Variants in AMOT observed in about 807,000 individuals in gnomAD.
The protein encoded by AMOT is angiomotin.
Under a neutral mutation model 67.0 loss-of-function variants are expected in AMOT, and 11 were observed. The ratio of observed to expected loss-of-function variants is 0.16; its 90% CI spans 0.10 to 0.27. AMOT has a LOEUF of 0.27. Ranked by LOEUF, AMOT falls within the 10% of genes least tolerant of loss-of-function variation. AMOT has a pLI of 1.00. For missense variants in AMOT, 753 were observed against 852.0 expected, an observed-to-expected ratio of 0.88 and a Z score of 1.45; for synonymous variants, 326 against 321.4, an observed-to-expected ratio of 1.01 and a Z score of -0.15.
chrX:112,782,451 A>G (rs1448578088), intron 11 of AMOT, 89 bp downstream of exon 11: 3 of 1,150,562 alleles, frequency 2.6e-6, no homozygotes, highest in Non-Finnish European at 3.6e-6. Context: ...GGGAGGCTGC[A>G]TGATCAGATT....
intron 10 of AMOT, 68 bp downstream of exon 10, chrX:112,790,524 C>T: frequency 9.4e-7 from 1 of 1,065,320 alleles, no homozygotes; most frequent in Non-Finnish European, 1.2e-6. Flanking sequence ...AAATAAAACA[C>T]TGGAAAAATC....
At chrX:112,809,843 C>T (rs148271968) in intron 7 of AMOT, 51 bp downstream of exon 7, 14,288 of 1,068,898 alleles carry the variant, frequency 0.013, 91 homozygotes, top group Non-Finnish European at 0.017. Context: ...TTTTCACGCA[C>T]CTTGCTCCCA....
At chrX:112,801,258 C>T (rs994836601) in intron 8 of AMOT, among the ~76,000 whole-genome samples, 1 of 110,900 alleles carries the variant, frequency 9.0e-6, no homozygotes, top group Non-Finnish European at 1.9e-5. Context: ...GGGAGAATAC[C>T]GTGGTTGCTG....
chrX:112,811,099 A>T (rs1233441900), intron 6 of AMOT, 150 bp downstream of exon 6: 14 of 726,876 alleles, frequency 1.9e-5, no homozygotes, highest in Admixed American at 1.2e-4. Context: ...GCAGTCACAA[A>T]AAATTAGCCT....
chrX:112,823,177 G>A lies in AMOT; in HGVS notation c.-51C>T. On this transcript the variant is annotated 5_prime_UTR_variant, in exon 4 of 14. Transcript: ENST00000371959. ...AGAGAGAGAGAAATTGGGCACCTGGGCTGCCCTTGACCTGGGAAGGGGAAA... is the reference window on the plus strand; with the variant it reads ...AGAGAGAGAGAAATTGGGCACCTGGACTGCCCTTGACCTGGGAAGGGGAAA... 1 of 1,103,855 alleles carries A rather than the reference G, an allele frequency of 9.1e-7. No homozygotes were observed. Among genetic ancestry groups the A allele is most frequent in the Non-Finnish European group, 1.2e-6 (1 of 833,929 alleles). 91.0% of individuals were successfully genotyped at this position (1,103,855 alleles called of 1,213,427 possible).
In AMOT at chrX:112,815,422, T is replaced by C. The variant is rs993845286; in HGVS notation, c.1328A>G (p.Asp443Gly). 3 of 1,211,879 alleles carry C rather than the reference T, an allele frequency of 2.5e-6. No individual in the cohort carries two copies. Among genetic ancestry groups the C allele is most frequent in the Non-Finnish European group, 2.2e-6 (2 of 895,562 alleles). The change falls in exon 5 of 14, where the codon GAC becomes GGC. Residue 443 changes from aspartate (D) to glycine (G), a missense_variant. Asp to Gly is a moderately conservative substitution (Grantham distance 94). Around this residue, in one of 5 missense-constraint regions of AMOT, gnomAD observed 297 missense variants for 284.3 expected, o/e 1.04. Transcript: ENST00000371959. ...CTCTTGCCTCAAGTTCCGGTTCTCG[T>C]CTGAGAGGATCTCAACCATCTGCTG... is the stretch of plus-strand genomic sequence containing the variant. ...RAQQMVEILS[D>G]ENRNLRQELE...
At chrX:112,805,254 A>G (rs1934137952) in intron 7 of AMOT, among the ~76,000 whole-genome samples, 162 bp from the exon 8 acceptor site, 1 of 110,852 alleles carries the variant, frequency 9.0e-6, no homozygotes, top group Admixed American at 9.7e-5. Flanking sequence ...TGGCTCTCTC[A>G]CTAACTTGTT....
intron 7 of AMOT, among the ~76,000 whole-genome samples, chrX:112,808,311 T>A (rs1016501817): frequency 8.9e-6 from 1 of 111,945 alleles, no homozygotes; most frequent in Non-Finnish European, 1.9e-5. Flanking sequence ...AAATAAGTAG[T>A]GGAGCCCTTA....
In AMOT at chrX:112,775,527, G is replaced by A. The variant is rs1196307456; in HGVS notation, c.*3040C>T. The A allele has an allele frequency of 1.8e-5, 2 of 112,033 alleles. No individual in the cohort carries two copies. Among genetic ancestry groups the A allele is most frequent in the Non-Finnish European group, 3.8e-5 (2 of 53,151 alleles). 9.2% of individuals were successfully genotyped at this position (112,033 alleles called of 1,213,427 possible). ...TAACAACAAAAAGAGAACATGATGG[G>A]TCTCTGGGTATCTTTCCTATGGCAG... is the stretch of plus-strand genomic sequence containing the variant. On this transcript the variant is annotated 3_prime_UTR_variant, in exon 14 of 14. Coordinates refer to ENST00000371959, the MANE Select transcript of AMOT (RefSeq NM_001113490.2).
chrX:112,838,489 CCT>C (rs1035581442), intron 1 of AMOT, among the ~76,000 whole-genome samples: 10 of 111,849 alleles, frequency 8.9e-5, no homozygotes, highest in African/African-American at 3.2e-4. Context: ...TATCCATCCC[CCT>C]GCCTTCTGAT....
intron 1 of AMOT, among the ~76,000 whole-genome samples, chrX:112,833,521 G>A (rs946302458): frequency 1.3e-4 from 13 of 99,182 alleles, no homozygotes; most frequent in Admixed American, 1.0e-3. Flanking sequence ...TTCAAAAACT[G>A]TTTGCTTTTT....
intron 10 of AMOT, among the ~76,000 whole-genome samples, chrX:112,783,331 T>C (rs774724678): frequency 6.9e-4 from 76 of 109,661 alleles, no homozygotes; most frequent in Middle Eastern, 4.7e-3. Flanking sequence ...TATATTTCCA[T>C]TTTATTCTCC....
rs1933065092 is a variant in AMOT, at chrX:112,779,592, G to A, written c.2562C>T (p.His854=). The part of the protein sequence containing the change: ...VPPSTPLLSA[H]SKTGSRDCST... ...TGCAGTCTCGGCTGCCTGTCTTGGA[G>A]TGAGCCGAGAGCAGGGGAGTCGAGG... is the stretch of plus-strand genomic sequence containing the variant. The change falls in exon 13 of 14, where the codon CAC becomes CAT. Residue 854 remains histidine, a synonymous_variant. Transcript: ENST00000371959. 1 of 1,211,330 alleles carries A rather than the reference G, an allele frequency of 8.3e-7. No homozygotes were observed. The highest frequency in any genetic ancestry group is 1.1e-6 in the Non-Finnish European group (1 of 895,467).
intron 8 of AMOT, among the ~76,000 whole-genome samples, chrX:112,802,769 G>T (rs1433001081): frequency 8.9e-6 from 1 of 112,223 alleles, no homozygotes; most frequent in African/African-American, 3.2e-5. Flanking sequence ...AGGGCCCCTG[G>T]AAAACTACTA....
chrX:112,818,588 T>C (rs1333697192), intron 4 of AMOT, among the ~76,000 whole-genome samples: 1 of 110,967 alleles, frequency 9.0e-6, no homozygotes, highest in Non-Finnish European at 1.9e-5. Flanking sequence ...AAGAACTCAA[T>C]CTGGGCTCCA....
At chrX:112,805,370 TACACACACAC>T (rs55909349) in intron 7 of AMOT, among the ~76,000 whole-genome samples, 7,567 of 89,483 alleles carry the variant, frequency 0.085, 338 homozygotes, top group South Asian at 0.23. Context: ...ATACAAAGAA[TACACACACAC>T]ACACACACAC....
intron 1 of AMOT, among the ~76,000 whole-genome samples, chrX:112,838,003 T>C (rs1393410956): frequency 9.0e-6 from 1 of 111,700 alleles, no homozygotes; most frequent in Non-Finnish European, 1.9e-5. Context: ...CTGGGCTTAA[T>C]GGGTGCAAAG....
chrX:112,838,877 T>C (rs2147840239), intron 1 of AMOT, among the ~76,000 whole-genome samples: 1 of 112,286 alleles, frequency 8.9e-6, no homozygotes, highest in East Asian at 2.8e-4. Flanking sequence ...CCAGAAAGTG[T>C]CTGTCAATGA....
chrX:112,783,447 A>G (rs776529029), intron 10 of AMOT, among the ~76,000 whole-genome samples: 1 of 111,483 alleles, frequency 9.0e-6, no homozygotes, highest in Non-Finnish European at 1.9e-5. Flanking sequence ...GAGTACTAGA[A>G]GCAAACAACA....
Sources: allele counts gnomAD v4.1 joint callset (sites outside exome capture counted in the v4.1 genomes callset), GRCh38; gene constraint gnomAD v4.1.1; regional missense constraint gnomAD v4.1.1; transcripts MANE v1.5; gene names NCBI Gene and HGNC (gene_info 2026-07-23, HGNC 2026-07-21).